Variants in ACSM2B observed in about 807,000 individuals in gnomAD.
ACSM2B encodes the protein acyl-CoA synthetase medium chain family member 2B.
In ACSM2B, 58 loss-of-function variants were observed where a neutral mutation model predicts 78.6. The ratio of observed to expected loss-of-function variants is 0.74; its 90% CI spans 0.60 to 0.92. The LOEUF (loss-of-function observed/expected upper bound fraction) is 0.92, where lower values mean the gene tolerates loss of function less well. Among genes scored for constraint, ACSM2B ranks in the 40% least tolerant of loss-of-function variants. The probability of loss-of-function intolerance (pLI) is 0.00; values close to 1 mark genes in which losing one functional copy is unlikely to be tolerated. For synonymous variants in ACSM2B, 257 were observed against 256.8 expected (o/e 1.00, Z -0.01); for missense variants, 688 against 711.2 (o/e 0.97, Z 0.37).
At chr16:20,544,232 G>A (rs2015075072) in intron 10 of ACSM2B, among the ~76,000 whole-genome samples, 1 of 152,108 alleles carries the variant, frequency 6.6e-6, no homozygotes, top group Non-Finnish European at 1.5e-5. Flanking sequence ...TTCCTCATCT[G>A]TATAATAGGA....
intron 1 of ACSM2B, among the ~76,000 whole-genome samples, chr16:20,567,658 T>C (rs2152147532): frequency 7.3e-6 from 1 of 137,750 alleles, no homozygotes; most frequent in South Asian, 2.1e-4. Context: ...TGCTATTATA[T>C]ATATACTATA....
intron 13 of ACSM2B, among the ~76,000 whole-genome samples, chr16:20,538,108 C>T (rs2014893184): frequency 6.6e-6 from 1 of 152,110 alleles, no homozygotes; most frequent in African/African-American, 2.4e-5. Flanking sequence ...TTGATTTAAG[C>T]TTCAGATGGT....
At chr16:20,556,072 ACCT>A (rs1165567392) in intron 3 of ACSM2B, among the ~76,000 whole-genome samples, 1 of 132,478 alleles carries the variant, frequency 7.5e-6, no homozygotes, top group Non-Finnish European at 1.5e-5. Flanking sequence ...CATATCCATC[ACCT>A]CAAGTATTTA....
At chr16:20,576,093 A>C (rs1318220813) in intron 1 of ACSM2B, 114 bp downstream of exon 1, 1 of 148,838 alleles carries the variant, frequency 6.7e-6, no homozygotes, top group African/African-American at 2.6e-5. Context: ...GTCCCTAGGA[A>C]TTTCTGCTTT....
rs148454487 is a variant in ACSM2B, at chr16:20,564,839, A to T, written c.7T>A (p.Trp3Arg). 1.9e-5 allele frequency: 30 copies of T among 1,610,900 alleles called. No individual in the cohort carries two copies. In the African/African-American group the frequency reaches 3.5e-4, roughly 19 times the overall value. The change falls in exon 2 of 14, where the codon TGG becomes AGG. Residue 3 changes from tryptophan (W) to arginine (R), a missense_variant. Transcript: ENST00000329697. ...CAAAGTCCCTGAACTTTTCGCAGCC[A>T]ATGCATGTTCAGGCCTGTAAAAGAA... MHWLRKVQGLCTL... is the reference protein window; with the variant it reads MHRLRKVQGLCTL...
chr16:20,551,601 C>T (rs956931432), intron 6 of ACSM2B, among the ~76,000 whole-genome samples: 2 of 152,030 alleles, frequency 1.3e-5, no homozygotes, highest in African/African-American at 4.8e-5. Context: ...ATTTAAGCCA[C>T]CTAGACTATG....
At chr16:20,540,881 T>A in intron 12 of ACSM2B, 108 bp from the exon 13 acceptor site, 1 of 1,456,826 alleles carries the variant, frequency 6.9e-7, no homozygotes, top group Non-Finnish European at 9.2e-7. Context: ...ATCTACTCAT[T>A]TGCACCCCCG....
At chr16:20,556,567 A>G (rs35243287) in intron 3 of ACSM2B, among the ~76,000 whole-genome samples, 27,858 of 152,214 alleles carry the variant, frequency 0.18, 3,606 homozygotes, top group East Asian at 0.69. Context: ...GCACCACTGC[A>G]CTCCAGCCTG....
At chr16:20,564,600 T>A (rs965535275) in intron 2 of ACSM2B, 69 bp downstream of exon 2, 17 of 1,523,858 alleles carry the variant, frequency 1.1e-5, no homozygotes, top group Non-Finnish European at 1.5e-5. Flanking sequence ...AAATATTTAC[T>A]GAATTAATGG....
intron 6 of ACSM2B, among the ~76,000 whole-genome samples, chr16:20,551,647 G>A: frequency 6.6e-6 from 1 of 152,080 alleles, no homozygotes; most frequent in Non-Finnish European, 1.5e-5. Flanking sequence ...GACTAAGACA[G>A]TATCTAACAC....
chr16:20,546,751 T>C (rs546573319), intron 8 of ACSM2B: 6 of 384,208 alleles, frequency 1.6e-5, no homozygotes, highest in Non-Finnish European at 2.6e-5. Context: ...GAGTCACATT[T>C]TAATACGACG....
rs2014862511 is a variant in ACSM2B at position 20,537,106 on chromosome 16, T to C, written c.*152A>G. ...CCCTTTCTTATTTCAATATCTAACA[T>C]AGTAATGTTTTGTGCTAATAACCAG... On this transcript the variant is annotated 3_prime_UTR_variant, in exon 14 of 14. Coordinates refer to ENST00000329697, the MANE Select transcript of ACSM2B (RefSeq NM_001105069.2). 2.3e-6 allele frequency: 2 copies of C among 861,970 alleles called. No individual in the cohort carries two copies. Among genetic ancestry groups the C allele is most frequent in the East Asian group, 4.9e-5 (2 of 40,568 alleles). 53.4% of individuals were successfully genotyped at this position (861,970 alleles called of 1,614,324 possible).
intron 3 of ACSM2B, among the ~76,000 whole-genome samples, chr16:20,556,174 G>A (rs2015467115): frequency 6.6e-6 from 1 of 152,084 alleles, no homozygotes; most frequent in Non-Finnish European, 1.5e-5. Flanking sequence ...TGTTTAGCAT[G>A]CTGTACAATT....
intron 7 of ACSM2B, 29 bp from the exon 8 acceptor site, chr16:20,548,214 C>T (rs2015201158): frequency 6.2e-7 from 1 of 1,613,658 alleles, no homozygotes; most frequent in African/African-American, 1.3e-5. Flanking sequence ...TGTTTGCCCT[C>T]AGCCTCCCTG....
chr16:20,549,735 G>C (rs565879138), intron 6 of ACSM2B: 4 of 446,408 alleles, frequency 9.0e-6, no homozygotes, highest in Non-Finnish European at 1.3e-5. Flanking sequence ...TACATTTTAG[G>C]GAGACATAAG....
intron 6 of ACSM2B, 117 bp from the exon 7 acceptor site, chr16:20,548,590 G>A: frequency 1.3e-6 from 2 of 1,571,888 alleles, no homozygotes; most frequent in Non-Finnish European, 1.7e-6. Flanking sequence ...GAAAACCCTA[G>A]CTTGTTTACT....
chr16:20,551,423 T>A (rs2015306458), intron 6 of ACSM2B, among the ~76,000 whole-genome samples: 1 of 151,880 alleles, frequency 6.6e-6, no homozygotes, highest in Admixed American at 6.6e-5. Context: ...TGTCTTTATT[T>A]TTAAAAAGGA....
At chr16:20,544,940 A>C (rs1234539443) in intron 10 of ACSM2B, 9 of 1,064,190 alleles carry the variant, frequency 8.5e-6, no homozygotes, top group Non-Finnish European at 1.1e-5. Flanking sequence ...ACTGAAGAAA[A>C]ATAAGTCTTC....
chr16:20,557,800 T>C (rs538594036), intron 3 of ACSM2B, among the ~76,000 whole-genome samples: 19 of 152,232 alleles, frequency 1.2e-4, no homozygotes, highest in Non-Finnish European at 2.4e-4. Flanking sequence ...CAAGCTTCCC[T>C]CCCCTGTGGC....
Sources: gnomAD v4.1 joint callset for allele counts (sites outside exome capture counted in the v4.1 genomes callset) on GRCh38, gnomAD v4.1.1 for gene constraint, MANE v1.5 for transcripts, NCBI Gene and HGNC (gene_info 2026-07-23, HGNC 2026-07-21) for gene names.